Variants in XPR1 observed in about 807,000 individuals in gnomAD.
The protein encoded by XPR1 is solute carrier family 53 member 1.
A neutral mutation model predicts 87.5 loss-of-function variants in XPR1; 28 were observed. The observed-to-expected ratio is 0.32, with a 90% CI of 0.24 to 0.44. XPR1 has a LOEUF of 0.44. Ranked by LOEUF, XPR1 falls within the 20% of genes least tolerant of loss-of-function variation. The pLI, the probability that XPR1 is intolerant of heterozygous loss-of-function variation, is 1.00. For synonymous variants in XPR1, 300 were observed against 306.1 expected (o/e 0.98, Z 0.21); for missense variants, 559 against 862.3 (o/e 0.65, Z 4.41).
intron 2 of XPR1, among the ~76,000 whole-genome samples, chr1:180,732,192 C>CA (rs5779071): frequency 0.059 from 6,295 of 107,536 alleles, 250 homozygotes; most frequent in African/African-American, 0.14. Flanking sequence ...GACTCCATCT[C>CA]AAAAAAAAAA....
chr1:180,791,094 G>A (rs1315795301), intron 3 of XPR1, among the ~76,000 whole-genome samples: 2 of 152,156 alleles, frequency 1.3e-5, no homozygotes, highest in African/African-American at 2.4e-5. Context: ...ATGTAAGGCT[G>A]TAGACTATGA....
At chr1:180,771,760 G>C (rs1323321936) in intron 2 of XPR1, among the ~76,000 whole-genome samples, 1 of 152,210 alleles carries the variant, frequency 6.6e-6, no homozygotes, top group East Asian at 1.9e-4. Flanking sequence ...TACCAGAGAA[G>C]TGATGTTGTG....
intron 2 of XPR1, among the ~76,000 whole-genome samples, chr1:180,686,071 G>A (rs1656763024): frequency 6.6e-6 from 1 of 151,960 alleles, no homozygotes; most frequent in Non-Finnish European, 1.5e-5. Flanking sequence ...TCTTTTAATC[G>A]TGGTGTTAGG....
intron 11 of XPR1, among the ~76,000 whole-genome samples, chr1:180,843,179 G>T (rs937760788): frequency 2.0e-5 from 3 of 152,034 alleles, no homozygotes; most frequent in African/African-American, 7.3e-5. Context: ...TCTACCCTGA[G>T]TAATAGACTG....
intron 2 of XPR1, among the ~76,000 whole-genome samples, chr1:180,778,936 C>G (rs965516749): frequency 5.3e-5 from 8 of 152,196 alleles, no homozygotes; most frequent in African/African-American, 1.9e-4. Flanking sequence ...AACTTCATAA[C>G]ATGGGCTTTG....
At chr1:180,786,535 C>T (rs945007372) in intron 2 of XPR1, among the ~76,000 whole-genome samples, 1 of 152,000 alleles carries the variant, frequency 6.6e-6, no homozygotes, top group African/African-American at 2.4e-5. Context: ...CTCACTTGGC[C>T]GAGAAACATA....
chr1:180,662,098 G>C (rs1421582741), intron 1 of XPR1, among the ~76,000 whole-genome samples: 1 of 152,036 alleles, frequency 6.6e-6, no homozygotes, highest in African/African-American at 2.4e-5. Context: ...TTCTACTTCA[G>C]ATATGAGTAG....
At chr1:180,812,267 T>G (rs1180089819) in intron 7 of XPR1, among the ~76,000 whole-genome samples, 1 of 152,188 alleles carries the variant, frequency 6.6e-6, no homozygotes, top group Non-Finnish European at 1.5e-5. Context: ...GGCTCAATCC[T>G]TCAATCTCCT....
In XPR1 at chr1:180,889,045, A is replaced by G. The variant is rs1184189367; in HGVS notation, c.*4979A>G. 1.3e-5 allele frequency: 2 copies of G among 152,212 alleles called. No homozygotes were observed. Among genetic ancestry groups the G allele is most frequent in the Non-Finnish European group, 2.9e-5 (2 of 68,034 alleles). 9.4% of individuals were successfully genotyped at this position (152,212 alleles called of 1,614,324 possible). A position where few individuals can be genotyped will look rare whatever the true frequency, so the allele number is the denominator to read the frequency against. ...GTATGAATTATCAAAACTGATACTG[A>G]GTTGCCCCTAGAAAACAGCCTTCCA... is the stretch of plus-strand genomic sequence containing the variant. On this transcript the variant is annotated 3_prime_UTR_variant, in exon 15 of 15. Coordinates refer to ENST00000367590, the MANE Select transcript of XPR1 (RefSeq NM_004736.4).
intron 2 of XPR1, among the ~76,000 whole-genome samples, chr1:180,743,358 T>G (rs146181639): frequency 6.6e-6 from 1 of 152,184 alleles, no homozygotes; most frequent in East Asian, 1.9e-4. Context: ...ACAGTCTATT[T>G]AGGATTAATA....
intron 13 of XPR1, among the ~76,000 whole-genome samples, chr1:180,879,167 A>G (rs1435263816): frequency 6.6e-6 from 1 of 152,214 alleles, no homozygotes; most frequent in East Asian, 1.9e-4. Flanking sequence ...ATCTTTATAA[A>G]TAAATCCTTT....
intron 1 of XPR1, among the ~76,000 whole-genome samples, chr1:180,646,912 G>T (rs1655138705): frequency 6.6e-6 from 1 of 152,192 alleles, no homozygotes; most frequent in Non-Finnish European, 1.5e-5. Flanking sequence ...ACCACAAGAT[G>T]CAGCTTAATT....
In XPR1 at chr1:180,814,515, TCAAA is replaced by T. The variant is rs1341439542; in HGVS notation, c.763+3030_763+3033del. Among the ~76,000 whole-genome samples the T allele has an allele frequency of 5.3e-5, 8 of 152,332 alleles. No individual in the cohort carries two copies. In the South Asian group the frequency reaches 1.2e-3, roughly 24 times the overall value. ...CTTTAAGGACATCATTTAACTTCTC[TCAAA>T]CAGTTTCCTCATCTGTTAAATGAGC... On this transcript the variant is annotated intron_variant, in intron 7 of 14. Coordinates refer to ENST00000367590, the MANE Select transcript of XPR1 (RefSeq NM_004736.4).
chr1:180,653,379 T>G (rs994320789), intron 1 of XPR1, among the ~76,000 whole-genome samples: 1 of 152,118 alleles, frequency 6.6e-6, no homozygotes, highest in African/African-American at 2.4e-5. Context: ...AGGGGAAATA[T>G]TGGTAAATTG....
chr1:180,861,714 C>T (rs966582179), intron 11 of XPR1, among the ~76,000 whole-genome samples: 2 of 152,062 alleles, frequency 1.3e-5, no homozygotes, highest in Non-Finnish European at 2.9e-5. Flanking sequence ...CTACCACTGC[C>T]TTTCTAAGAG....
At chr1:180,679,792 C>A (rs1197151552) in intron 1 of XPR1, among the ~76,000 whole-genome samples, 2 of 152,064 alleles carry the variant, frequency 1.3e-5, no homozygotes, top group East Asian at 3.9e-4. Context: ...GGAAGACTTT[C>A]CAGATCATCA....
chr1:180,696,085 G>A (rs1657153373), intron 2 of XPR1, among the ~76,000 whole-genome samples: 1 of 150,966 alleles, frequency 6.6e-6, no homozygotes, highest in Non-Finnish European at 1.5e-5. Flanking sequence ...TTCTGTTTGT[G>A]TTGTCTTCAG....
At chr1:180,784,569 A>T (rs960341542) in intron 2 of XPR1, among the ~76,000 whole-genome samples, 1 of 151,962 alleles carries the variant, frequency 6.6e-6, no homozygotes, top group Non-Finnish European at 1.5e-5. Context: ...TGAAAGTGTC[A>T]ATCATTTCCT....
In XPR1 at chr1:180,865,590, C is replaced by T. The variant is rs377383790; in HGVS notation, c.1668+1716C>T. Among the ~76,000 whole-genome samples the T allele has an allele frequency of 1.6e-3, 239 of 152,066 alleles. 1 individual carries two copies. The highest frequency in any genetic ancestry group is 5.4e-3 in the African/African-American group (223 of 41,504). On this transcript the variant is annotated intron_variant, in intron 12 of 14. Transcript: ENST00000367590. The stretch of plus-strand genomic sequence containing the variant: ...TAATTTTTTGTAGTTTTAGTAGAGA[C>T]GGGGTTTCACCGTGTTAGCCAGGAT...
Sources: allele counts gnomAD v4.1 joint callset (sites outside exome capture counted in the v4.1 genomes callset), GRCh38; gene constraint gnomAD v4.1.1; transcripts MANE v1.5; gene names NCBI Gene and HGNC (gene_info 2026-07-23, HGNC 2026-07-21).